Variants in FKBP15 observed in about 807,000 individuals in gnomAD.
FKBP15 encodes FKBP prolyl isomerase family member 15, also known as FK506-binding protein 15.
FKBP15 carries 106 observed loss-of-function variants against 158.1 expected under a neutral mutation model. The ratio of observed to expected loss-of-function variants is 0.67; its 90% CI spans 0.57 to 0.79. The LOEUF (loss-of-function observed/expected upper bound fraction) is 0.79, where lower values mean the gene tolerates loss of function less well. Ranked by LOEUF, FKBP15 falls within the 30% of genes least tolerant of loss-of-function variation. The probability of loss-of-function intolerance (pLI) is 0.00; values close to 1 mark genes in which losing one functional copy is unlikely to be tolerated. For missense variants in FKBP15, 1,287 were observed against 1,479.1 expected, an observed-to-expected ratio of 0.87 and a Z score of 2.13; for synonymous variants, 547 against 548.6, an observed-to-expected ratio of 1.00 and a Z score of 0.04.
intron 26 of FKBP15, 121 bp downstream of exon 26, chr9:113,169,103 C>G: frequency 1.5e-6 from 2 of 1,329,580 alleles, no homozygotes; most frequent in Non-Finnish European, 1.0e-6. Flanking sequence ...AATACATCAA[C>G]TAATGAATGA....
At position 113,165,018 on chromosome 9, in the gene FKBP15, G is replaced by A. The variant is rs1301806633; in HGVS notation, c.*1060C>T. On this transcript the variant is annotated 3_prime_UTR_variant, in exon 28 of 28. Transcript: ENST00000238256. ...TATCTTTTAAAACATTTAAAATCAAGAAACATTTTTTATTAAAATTAATTA... is the reference window on the plus strand; with the variant it reads ...TATCTTTTAAAACATTTAAAATCAAAAAACATTTTTTATTAAAATTAATTA... The A allele has an allele frequency of 6.6e-6, 1 of 151,598 alleles. No individual in the cohort carries two copies. Among genetic ancestry groups the A allele is most frequent in the Non-Finnish European group, 1.5e-5 (1 of 67,936 alleles). 9.4% of individuals were successfully genotyped at this position (151,598 alleles called of 1,614,324 possible). A position where few individuals can be genotyped will look rare whatever the true frequency, so the allele number is the denominator to read the frequency against.
intron 20 of FKBP15, 73 bp from the exon 21 acceptor site, chr9:113,176,746 C>A: frequency 6.7e-7 from 1 of 1,494,006 alleles, no homozygotes; most frequent in Non-Finnish European, 9.0e-7. Flanking sequence ...CCCAGCAGCT[C>A]TTTTTTTAAA....
chr9:113,167,056 C>T (rs150977009), intron 27 of FKBP15, among the ~76,000 whole-genome samples: 3 of 152,318 alleles, frequency 2.0e-5, no homozygotes, highest in Admixed American at 1.3e-4. Flanking sequence ...AGCCAGACCT[C>T]GTACTTCTCT....
At chr9:113,187,934 C>T (rs1830512771) in intron 13 of FKBP15, 35 bp from the exon 14 acceptor site, 2 of 1,521,510 alleles carry the variant, frequency 1.3e-6, no homozygotes, top group Non-Finnish European at 1.8e-6. Context: ...CTGTTATCCA[C>T]CCTTGCTTCT....
chr9:113,165,965 C>T lies in FKBP15; in HGVS notation c.*113G>A, dbSNP rs913018886. The T allele has an allele frequency of 7.1e-6, 7 of 983,416 alleles. No homozygotes were observed. In the East Asian group the frequency reaches 1.6e-4, roughly 22 times the overall value. 60.9% of individuals were successfully genotyped at this position (983,416 alleles called of 1,614,324 possible). A position where few individuals can be genotyped will look rare whatever the true frequency, so the allele number is the denominator to read the frequency against. On this transcript the variant is annotated 3_prime_UTR_variant, in exon 28 of 28. Coordinates refer to ENST00000238256, the MANE Select transcript of FKBP15 (RefSeq NM_015258.2). ...ACCCTCTGAGCCCAAATATTGTTCC[C>T]AGAATGCTCACCTTGACCTCACCCT...
rs1564148541 is a variant in FKBP15 at position 113,169,703 on chromosome 9, G to A, written c.3006C>T (p.Ser1002=). Residue 1002 remains serine (S), a synonymous_variant, in exon 26 of 28, where the codon TCC becomes TCT. Coordinates refer to ENST00000238256, the MANE Select transcript of FKBP15 (RefSeq NM_015258.2). ...CCCCTTTCCTTCTGTGTCCATCCTG[G>A]GAAGTGGTGAGGGCCTGAGGAGGCA... ...VPLPPQALTT[S]QDGHRRKGDS... The A allele has an allele frequency of 6.2e-7, 1 of 1,613,854 alleles. No homozygotes were observed. The highest frequency in any genetic ancestry group is 1.1e-5 in the South Asian group (1 of 91,066).
chr9:113,194,205 G>A (rs1229330878), intron 9 of FKBP15, 36 bp from the exon 10 acceptor site: 2 of 1,506,082 alleles, frequency 1.3e-6, no homozygotes, highest in Admixed American at 3.9e-5. Context: ...TCATAGGTGG[G>A]AATTGAACAA....
chr9:113,187,815 G>C lies in FKBP15; in HGVS notation c.1361C>G (p.Ser454Cys). Residue 454 changes from serine (S) to cysteine (C), a missense_variant, in exon 14 of 28, where the codon TCT (serine) becomes TGT (cysteine). Ser to Cys is a moderately radical substitution (Grantham distance 112, BLOSUM62 -1). Transcript: ENST00000238256. ...TACCTGAAAGGATTGGGCATTTCCA[G>C]ATACAGCTGAGTGGGAATCGAGAGA... ...VSSLDSHSAV[S>C]GNAQSFQPYA... The C allele has an allele frequency of 6.2e-7, 1 of 1,613,842 alleles. No individual in the cohort carries two copies. Among genetic ancestry groups the C allele is most frequent in the Non-Finnish European group, 8.5e-7 (1 of 1,179,758 alleles).
intron 1 of FKBP15, among the ~76,000 whole-genome samples, chr9:113,216,254 T>C (rs1026881248): frequency 4.6e-5 from 7 of 152,190 alleles, no homozygotes; most frequent in African/African-American, 1.7e-4. Flanking sequence ...GAAGTAAACA[T>C]TGAAACTTCC....
chr9:113,173,136 G>C (rs1207677546), intron 23 of FKBP15, among the ~76,000 whole-genome samples: 1 of 152,122 alleles, frequency 6.6e-6, no homozygotes, highest in Non-Finnish European at 1.5e-5. Flanking sequence ...TGAGGGAAGG[G>C]TTCCTTGTAT....
intron 3 of FKBP15, 132 bp downstream of exon 3, chr9:113,207,080 G>T: frequency 1.4e-6 from 1 of 696,696 alleles, no homozygotes; most frequent in Non-Finnish European, 2.5e-6. Context: ...GATGTTAAAA[G>T]TTCTACTGAT....
rs1830060646 is a variant in FKBP15 at position 113,164,050 on chromosome 9, T to C, written c.*2028A>G. The stretch of plus-strand genomic sequence containing the variant: ...GAGAAAATCACTGCTGTATACTAAA[T>C]ACCTCACAGATTAGATGAAAAGATG... On this transcript the variant is annotated 3_prime_UTR_variant, in exon 28 of 28. Transcript: ENST00000238256. 6.6e-6 allele frequency: 1 copy of C among 152,648 alleles called. No homozygotes were observed. 9.5% of individuals were successfully genotyped at this position (152,648 alleles called of 1,614,324 possible).
At position 113,163,032 on chromosome 9, in the gene FKBP15, C is replaced by A; in HGVS notation, c.*3046G>T. 9.4e-7 allele frequency: 1 copy of A among 1,064,344 alleles called. No individual in the cohort carries two copies. 65.9% of individuals were successfully genotyped at this position (1,064,344 alleles called of 1,614,324 possible). A position where few individuals can be genotyped will look rare whatever the true frequency, so the allele number is the denominator to read the frequency against. ...GCTATTCCTCCACCTTATTCCCAGCCCCTGGAAACTTTGAGCTGAAGCCAG... is the reference window on the plus strand; with the variant it reads ...GCTATTCCTCCACCTTATTCCCAGCACCTGGAAACTTTGAGCTGAAGCCAG... On this transcript the variant is annotated 3_prime_UTR_variant, in exon 28 of 28. Coordinates refer to ENST00000238256, the MANE Select transcript of FKBP15 (RefSeq NM_015258.2).
At chr9:113,170,301 T>C (rs140178291) in intron 25 of FKBP15, among the ~76,000 whole-genome samples, 1 of 152,264 alleles carries the variant, frequency 6.6e-6, no homozygotes, top group East Asian at 1.9e-4. Context: ...AATTTTTAAA[T>C]TTTTAATTTT....
At chr9:113,176,780 G>A in intron 20 of FKBP15, 107 bp from the exon 21 acceptor site, 1 of 1,234,572 alleles carries the variant, frequency 8.1e-7, no homozygotes, top group Middle Eastern at 2.4e-4. Context: ...ACAAAGCCTT[G>A]CTCCATCACT....
intron 21 of FKBP15, among the ~76,000 whole-genome samples, chr9:113,175,307 C>T (rs2118871891): frequency 6.6e-6 from 1 of 152,112 alleles, no homozygotes; most frequent in South Asian, 2.1e-4. Flanking sequence ...AGGATGGTCA[C>T]TGTAGTAGTA....
chr9:113,183,657 A>G, intron 18 of FKBP15, 94 bp downstream of exon 18: 1 of 777,974 alleles, frequency 1.3e-6, no homozygotes, highest in Non-Finnish European at 2.1e-6. Context: ...AGAAATACAT[A>G]CGTACTGCCC....
intron 26 of FKBP15, 133 bp downstream of exon 26, chr9:113,169,091 T>C (rs1441066497): frequency 7.1e-6 from 9 of 1,267,350 alleles, no homozygotes; most frequent in Non-Finnish European, 9.5e-6. Context: ...TGTTGTTGAA[T>C]TAATACATCA....
In FKBP15 at chr9:113,168,441, G is replaced by A; in HGVS notation, c.3582+19C>T. The stretch of plus-strand genomic sequence containing the variant: ...CAGGTGGGTGTGTGAGGACTTGACA[G>A]TGCCTGGGATTTCCTTACCACCTCG... On this transcript the variant is annotated intron_variant, in intron 27 of 27. Transcript: ENST00000238256. The A allele has an allele frequency of 6.2e-7, 1 of 1,609,068 alleles. No individual in the cohort carries two copies. The highest frequency in any genetic ancestry group is 8.5e-7 in the Non-Finnish European group (1 of 1,175,440).
Sources: gnomAD v4.1 joint callset for allele counts (sites outside exome capture counted in the v4.1 genomes callset) on GRCh38, gnomAD v4.1.1 for gene constraint, MANE v1.5 for transcripts, NCBI Gene and HGNC (gene_info 2026-07-23, HGNC 2026-07-21) for gene names.